Variants in NEMF observed in about 807,000 individuals in gnomAD.
The protein encoded by NEMF is nuclear export mediator factor.
In NEMF, 89 loss-of-function variants were observed where a neutral mutation model predicts 162.2. That is an observed-to-expected ratio of 0.55 (90% CI 0.46 to 0.65). NEMF has a LOEUF of 0.65. NEMF is among the 30% of genes least tolerant of loss of function. The probability of loss-of-function intolerance (pLI) is 0.00; values close to 1 mark genes in which losing one functional copy is unlikely to be tolerated. For missense variants in NEMF, 1,133 were observed against 1,261.9 expected (o/e 0.90, Z 1.55); for synonymous variants, 421 against 404.5 (o/e 1.04, Z -0.49).
chr14:49,839,968 G>T (rs529677085), intron 5 of NEMF: 3 of 152,290 alleles, frequency 2.0e-5, no homozygotes, highest in African/African-American at 4.8e-5. Flanking sequence ...AGACCAACTT[G>T]GGCAACAAAG....
intron 17 of NEMF, 150 bp from the exon 18 acceptor site, chr14:49,814,200 G>C (rs1430451001): frequency 3.6e-6 from 2 of 551,240 alleles, no homozygotes; most frequent in East Asian, 3.4e-5. Context: ...CCAAGGTTCA[G>C]GCAATTCTCC....
intron 7 of NEMF, chr14:49,834,099 G>A: frequency 3.6e-6 from 2 of 549,052 alleles, no homozygotes; most frequent in South Asian, 3.2e-5. Flanking sequence ...TGTTTTTGTG[G>A]GGTTTTTTGA....
Position 49,834,369 on chromosome 14 carries a change from T to C in NEMF, c.655A>G (p.Thr219Ala). ...ATGTACCATGCAGACATACCTTTAGTTTCAAGTTTTTCATCCACTTTGACA... is the reference window on the plus strand; with the variant it reads ...ATGTACCATGCAGACATACCTTTAGCTTCAAGTTTTTCATCCACTTTGACA... ...GNVKVDEKLE[T>A]KDIEKVLVSL... The change falls in exon 7 of 33, where the codon ACT becomes GCT. Residue 219 changes from threonine to alanine, a missense_variant. This residue lies in a region of NEMF where 582 missense variants were observed against 631.5 expected (regional missense o/e 0.92). Coordinates refer to ENST00000298310, the MANE Select transcript of NEMF (RefSeq NM_004713.6). The C allele has an allele frequency of 6.3e-7, 1 of 1,594,522 alleles. No homozygotes were observed. Among genetic ancestry groups the C allele is most frequent in the Non-Finnish European group, 8.6e-7 (1 of 1,162,352 alleles).
intron 25 of NEMF, among the ~76,000 whole-genome samples, chr14:49,797,932 A>G (rs1431284021): frequency 1.3e-5 from 2 of 152,170 alleles, no homozygotes; most frequent in Non-Finnish European, 2.9e-5. Flanking sequence ...GGTTTTCACC[A>G]GGTACTCAGG....
At chr14:49,806,556 G>T (rs991275692) in intron 18 of NEMF, among the ~76,000 whole-genome samples, 1 of 151,256 alleles carries the variant, frequency 6.6e-6, no homozygotes, top group Non-Finnish European at 1.5e-5. Flanking sequence ...CACCGAACCC[G>T]GCCGGTCAAT....
intron 4 of NEMF, among the ~76,000 whole-genome samples, chr14:49,845,389 G>A (rs1281155071): frequency 6.6e-6 from 1 of 152,210 alleles, no homozygotes; most frequent in African/African-American, 2.4e-5. Context: ...GATTACAGGT[G>A]TGAGCCACTG....
Position 49,789,484 on chromosome 14 carries a change from G to A in NEMF, c.2697+12C>T. ...AAAAGCAAAAGAAAAAATGTTTTTA[G>A]ATGTTATTTACCCCCAGCAACTTCA... On this transcript the variant is annotated intron_variant, in intron 27 of 32. Coordinates refer to ENST00000298310, the MANE Select transcript of NEMF (RefSeq NM_004713.6). 1 of 1,611,448 alleles carries A rather than the reference G, an allele frequency of 6.2e-7. No homozygotes were observed. Among genetic ancestry groups the A allele is most frequent in the South Asian group, 1.1e-5 (1 of 89,978 alleles).
chr14:49,812,938 G>A (rs1891546327), intron 18 of NEMF, among the ~76,000 whole-genome samples: 2 of 152,066 alleles, frequency 1.3e-5, no homozygotes, highest in African/African-American at 4.8e-5. Flanking sequence ...ACCACACCCA[G>A]CTAATTTTTT....
Position 49,785,145 on chromosome 14 carries a change from G to A in NEMF, c.3030-10C>T, listed in dbSNP as rs1433108659. 2 of 1,602,582 alleles carry A rather than the reference G, an allele frequency of 1.2e-6. No homozygotes were observed. Among genetic ancestry groups the A allele is most frequent in the Non-Finnish European group, 8.5e-7 (1 of 1,169,824 alleles). On this transcript the variant is annotated splice_polypyrimidine_tract_variant and intron_variant, in intron 30 of 32. Coordinates refer to ENST00000298310, the MANE Select transcript of NEMF (RefSeq NM_004713.6). ...AAGTTTCACTTTATATCTTTAAAAAGGAATTACATGTGTTACTAAATAGAC... is the reference window on the plus strand; with the variant it reads ...AAGTTTCACTTTATATCTTTAAAAAAGAATTACATGTGTTACTAAATAGAC...
intron 29 of NEMF, chr14:49,786,477 A>C: frequency 1.9e-6 from 1 of 515,784 alleles, no homozygotes; most frequent in East Asian, 3.1e-5. Flanking sequence ...TTATCAAAAC[A>C]ACCCTCTCCT....
chr14:49,838,043 T>C (rs1892994571), intron 6 of NEMF, 96 bp downstream of exon 6: 3 of 944,000 alleles, frequency 3.2e-6, no homozygotes, highest in Non-Finnish European at 4.9e-6. Context: ...GGATCACTTG[T>C]TCAAATTTTC....
intron 4 of NEMF, among the ~76,000 whole-genome samples, chr14:49,845,366 C>T (rs1379180206): frequency 1.3e-5 from 2 of 152,182 alleles, no homozygotes; most frequent in African/African-American, 4.8e-5. Flanking sequence ...TCCTCGGCCT[C>T]CCAAAATGCT....
intron 11 of NEMF, among the ~76,000 whole-genome samples, chr14:49,829,672 A>G (rs913026109): frequency 6.6e-6 from 1 of 152,244 alleles, no homozygotes; most frequent in Non-Finnish European, 1.5e-5. Flanking sequence ...GTTACTGTGT[A>G]TATAAGATAT....
At chr14:49,820,425 G>A (rs763331860) in intron 16 of NEMF, 10 of 456,490 alleles carry the variant, frequency 2.2e-5, no homozygotes, top group African/African-American at 1.0e-4. Context: ...GCATGACTTC[G>A]CTGAAGTTCC....
At chr14:49,809,327 T>G (rs181071574) in intron 18 of NEMF, among the ~76,000 whole-genome samples, 2 of 152,100 alleles carry the variant, frequency 1.3e-5, no homozygotes, top group Non-Finnish European at 2.9e-5. Flanking sequence ...TGAATATTAT[T>G]CAGGGATAAA....
chr14:49,804,304 G>C (rs1891088168), intron 19 of NEMF, among the ~76,000 whole-genome samples: 1 of 151,980 alleles, frequency 6.6e-6, no homozygotes, highest in South Asian at 2.1e-4. Context: ...AGTAACCTTT[G>C]TCTATATGAA....
intron 15 of NEMF, among the ~76,000 whole-genome samples, chr14:49,827,359 G>A (rs1308935141): frequency 4.0e-5 from 6 of 151,808 alleles, no homozygotes; most frequent in African/African-American, 1.2e-4. Context: ...GCTAATTTTT[G>A]TATTTTCAGT....
chr14:49,822,536 T>G (rs1892127422), intron 16 of NEMF, among the ~76,000 whole-genome samples: 2 of 148,986 alleles, frequency 1.3e-5, no homozygotes, highest in Admixed American at 1.3e-4. Context: ...AAAAAAAAAG[T>G]AATAATGGCA....
Position 49,851,851 on chromosome 14 carries a change from A to G in NEMF, c.84T>C (p.Asn28=). The part of the protein sequence containing the change: ...NASLLGMRVN[N]VYDVDNKTYL... ...ATGTCTTATTATCCACATCATAAAC[A>G]TTGTTTACTCTCATTCCTAGCAAGC... Residue 28 remains asparagine (N), a synonymous_variant, in exon 2 of 33, where the codon AAT becomes AAC. Coordinates refer to ENST00000298310, the MANE Select transcript of NEMF (RefSeq NM_004713.6). 1.3e-6 allele frequency: 2 copies of G among 1,588,330 alleles called. No homozygotes were observed. The highest frequency in any genetic ancestry group is 1.1e-5 in the South Asian group (1 of 88,004).
Sources: gnomAD v4.1 joint callset for allele counts (sites outside exome capture counted in the v4.1 genomes callset) on GRCh38, gnomAD v4.1.1 for gene constraint, gnomAD v4.1.1 regional missense constraint, MANE v1.5 for transcripts, NCBI Gene and HGNC (gene_info 2026-07-23, HGNC 2026-07-21) for gene names.